Variants in PRKG1 observed in about 807,000 individuals in gnomAD.
PRKG1 encodes the protein protein kinase cGMP-dependent 1.
Under a neutral mutation model 88.1 loss-of-function variants are expected in PRKG1, and 35 were observed. The observed-to-expected ratio is 0.40, with a 90% confidence interval of 0.30 to 0.53. The LOEUF (loss-of-function observed/expected upper bound fraction) is 0.53. Among genes scored for constraint, PRKG1 ranks in the 20% least tolerant of loss-of-function variants. PRKG1 has a pLI of 0.59. For synonymous variants in PRKG1, 303 were observed against 292.5 expected (o/e 1.04, Z -0.37); for missense variants, 540 against 839.8 (o/e 0.64, Z 4.41).
intron 1 of PRKG1, among the ~76,000 whole-genome samples, chr10:51,129,004 C>T (rs1332447969): frequency 6.6e-6 from 1 of 152,218 alleles, no homozygotes; most frequent in Non-Finnish European, 1.5e-5. Flanking sequence ...GACTCCTACT[C>T]TTGCCTCTTG....
chr10:51,015,284 C>T (rs17509759), intron 1 of PRKG1, among the ~76,000 whole-genome samples: 27,508 of 152,200 alleles, frequency 0.18, 3,081 homozygotes, highest in South Asian at 0.31. Context: ...CATTATTGCC[C>T]ACTATATCTC....
chr10:51,890,072 A>T (rs1386484697), intron 4 of PRKG1, among the ~76,000 whole-genome samples: 1 of 151,972 alleles, frequency 6.6e-6, no homozygotes, highest in Non-Finnish European at 1.5e-5. Context: ...ATTAGATCCC[A>T]TTTGTCAATT....
At chr10:51,727,823 G>A (rs1271855029) in intron 3 of PRKG1, among the ~76,000 whole-genome samples, 1 of 152,084 alleles carries the variant, frequency 6.6e-6, no homozygotes, top group African/African-American at 2.4e-5. Context: ...TTAATATATT[G>A]AAGTCTAAAA....
At chr10:51,139,860 A>G (rs1481629241) in intron 1 of PRKG1, among the ~76,000 whole-genome samples, 1 of 152,154 alleles carries the variant, frequency 6.6e-6, no homozygotes, top group Admixed American at 6.5e-5. Flanking sequence ...TACAATATAG[A>G]TTATACCATG....
At chr10:51,583,853 A>T (rs1032373594) in intron 3 of PRKG1, among the ~76,000 whole-genome samples, 2 of 152,092 alleles carry the variant, frequency 1.3e-5, no homozygotes, top group African/African-American at 4.8e-5. Context: ...AATTCACAAT[A>T]TTTAATGGTA....
At chr10:51,696,775 C>T (rs1368059621) in intron 3 of PRKG1, 2 of 152,066 alleles carry the variant, frequency 1.3e-5, no homozygotes, top group South Asian at 4.1e-4. Flanking sequence ...CAGATCTTTA[C>T]TTAGTGAAAC....
intron 4 of PRKG1, among the ~76,000 whole-genome samples, chr10:51,874,314 A>G (rs770148106): frequency 6.6e-6 from 1 of 152,234 alleles, no homozygotes; most frequent in African/African-American, 2.4e-5. Context: ...TTAAAAATAC[A>G]TGGATGTTCA....
intron 7 of PRKG1, among the ~76,000 whole-genome samples, chr10:52,078,711 A>G (rs539584605): frequency 6.6e-6 from 1 of 152,360 alleles, no homozygotes; most frequent in African/African-American, 2.4e-5. Flanking sequence ...TTAATTTTCC[A>G]TTTGCTAAAG....
intron 5 of PRKG1, among the ~76,000 whole-genome samples, chr10:52,004,372 G>T (rs527475572): frequency 6.6e-6 from 1 of 152,276 alleles, no homozygotes; most frequent in South Asian, 2.1e-4. Context: ...TAAACAGGTA[G>T]AAATTCCTAA....
In PRKG1 at chr10:51,965,858, C is replaced by T. The variant is rs183516618; in HGVS notation, c.762+58288C>T. On this transcript the variant is annotated intron_variant, in intron 5 of 17. Coordinates refer to ENST00000373980, the MANE Select transcript of PRKG1 (RefSeq NM_006258.4). ...GTGATCTAGAGAGAAGAGTTAGTTG[C>T]GAATGTCAACAATTTCAAAATTAGA... Among the ~76,000 whole-genome samples, 1,494 of 152,060 alleles carry T rather than the reference C, an allele frequency of 9.8e-3. 11 individuals carry two copies. Among genetic ancestry groups the T allele is most frequent in the Non-Finnish European group, 0.015 (1,041 of 67,962 alleles).
chr10:52,223,993 C>A (rs1404202041), intron 9 of PRKG1, among the ~76,000 whole-genome samples: 3 of 152,142 alleles, frequency 2.0e-5, no homozygotes. Flanking sequence ...CTTCATATTT[C>A]TGCCTTTGCC....
chr10:51,867,915 G>T (rs1459182505), intron 4 of PRKG1, among the ~76,000 whole-genome samples: 1 of 152,038 alleles, frequency 6.6e-6, no homozygotes, highest in East Asian at 1.9e-4. Context: ...ATTTAAAAAA[G>T]AAAATTTAAA....
intron 1 of PRKG1, among the ~76,000 whole-genome samples, chr10:51,057,442 A>G (rs1317047170): frequency 1.3e-5 from 2 of 152,048 alleles, no homozygotes; most frequent in Non-Finnish European, 2.9e-5. Flanking sequence ...ACACATAAAT[A>G]AAAGTACTTA....
intron 2 of PRKG1, among the ~76,000 whole-genome samples, chr10:51,463,347 G>T (rs763732127): frequency 1.3e-5 from 2 of 152,136 alleles, no homozygotes; most frequent in Non-Finnish European, 2.9e-5. Context: ...TCTGGCAAAA[G>T]CATGCTGTAT....
chr10:52,007,002 G>A (rs1410873598), intron 5 of PRKG1, among the ~76,000 whole-genome samples: 3 of 152,146 alleles, frequency 2.0e-5, no homozygotes, highest in South Asian at 4.1e-4. Context: ...AATTCCAACC[G>A]GGAATTCCAT....
intron 3 of PRKG1, among the ~76,000 whole-genome samples, chr10:51,503,129 C>T (rs1180422960): frequency 1.3e-5 from 2 of 152,118 alleles, no homozygotes; most frequent in African/African-American, 4.8e-5. Flanking sequence ...TGTTAGCCAT[C>T]TTGAACGTAC....
chr10:51,916,262 A>T (rs1842336560), intron 5 of PRKG1, among the ~76,000 whole-genome samples: 1 of 152,112 alleles, frequency 6.6e-6, no homozygotes, highest in South Asian at 2.1e-4. Context: ...TCAGTAAAGA[A>T]CCCAGCTAAA....
intron 5 of PRKG1, among the ~76,000 whole-genome samples, chr10:51,960,416 A>G (rs1001771): frequency 0.1 from 15,639 of 152,114 alleles, 1,025 homozygotes; most frequent in East Asian, 0.25. Context: ...TAACTTATAT[A>G]AACTATAATA....
At chr10:51,510,998 C>G (rs1229999921) in intron 3 of PRKG1, among the ~76,000 whole-genome samples, 1 of 151,776 alleles carries the variant, frequency 6.6e-6, no homozygotes, top group Non-Finnish European at 1.5e-5. Flanking sequence ...GTGATCCGCC[C>G]ACCTCAGCCT....
Sources: allele counts gnomAD v4.1 joint callset (sites outside exome capture counted in the v4.1 genomes callset), GRCh38; gene constraint gnomAD v4.1.1; transcripts MANE v1.5; gene names NCBI Gene and HGNC (gene_info 2026-07-23, HGNC 2026-07-21).